Variants in CNTNAP2 observed in about 807,000 individuals in gnomAD.
CNTNAP2 encodes contactin associated protein 2.
In CNTNAP2, 98 loss-of-function variants were observed where a neutral mutation model predicts 155.2. The ratio of observed to expected loss-of-function variants is 0.63; its 90% CI spans 0.54 to 0.75. The LOEUF (loss-of-function observed/expected upper bound fraction) is 0.75. CNTNAP2 is among the 30% of genes least tolerant of loss of function. CNTNAP2 has a pLI of 0.00. For missense variants in CNTNAP2, 1,727 were observed against 1,688.1 expected, an observed-to-expected ratio of 1.02 and a Z score of -0.40; for synonymous variants, 651 against 631.2, an observed-to-expected ratio of 1.03 and a Z score of -0.47.
chr7:146,135,182 T>C (rs189906621), intron 1 of CNTNAP2, among the ~76,000 whole-genome samples: 1 of 152,174 alleles, frequency 6.6e-6, no homozygotes, highest in African/African-American at 2.4e-5. Context: ...ATTTCCTACT[T>C]ATTTTAAAAT....
chr7:147,551,852 T>C lies in CNTNAP2; in HGVS notation c.1778-10286T>C, dbSNP rs1359285501. 3.3e-5 allele frequency among the ~76,000 whole-genome samples: 5 copies of C among 152,200 alleles called. No homozygotes were observed. The East Asian group carries it at 5.8e-4, about 18-fold the overall frequency. ...GACTGAAGAGCTCTGAAATCACCAA[T>C]AATGTCTTCATTACTACATCAATAC... On this transcript the variant is annotated intron_variant, in intron 11 of 23. Transcript: ENST00000361727.
chr7:147,326,077 C>T lies in CNTNAP2; in HGVS notation c.1498+25787C>T, dbSNP rs568996965. On this transcript the variant is annotated intron_variant, in intron 9 of 23. Coordinates refer to ENST00000361727, the MANE Select transcript of CNTNAP2 (RefSeq NM_014141.6). ...AGCTGGGACGACAAGCGCACGCCAC[C>T]ACACCCGGCTAATTGCTTTTGTATT... Among the ~76,000 whole-genome samples, 29 of 152,144 alleles carry T rather than the reference C, an allele frequency of 1.9e-4. 1 individual carries two copies. Among genetic ancestry groups the T allele is most frequent in the Admixed American group, 2.0e-4 (3 of 15,272 alleles).
chr7:146,691,424 C>T (rs1198530178), intron 1 of CNTNAP2, among the ~76,000 whole-genome samples: 5 of 152,066 alleles, frequency 3.3e-5, no homozygotes, highest in East Asian at 1.9e-4. Context: ...TTACATTAGT[C>T]TACAGTTGAG....
chr7:147,672,379 T>A (rs2116968090), intron 13 of CNTNAP2: 1 of 152,308 alleles, frequency 6.6e-6, no homozygotes, highest in African/African-American at 2.4e-5. Flanking sequence ...GATCCAATAT[T>A]AGAATATTAG....
intron 3 of CNTNAP2, among the ~76,000 whole-genome samples, chr7:146,875,279 T>C (rs1056841392): frequency 2.0e-5 from 3 of 152,158 alleles, no homozygotes; most frequent in Admixed American, 2.0e-4. Flanking sequence ...ATAATTCTCC[T>C]ATATGGAGGG....
intron 18 of CNTNAP2, among the ~76,000 whole-genome samples, chr7:148,206,766 C>G (rs1344839789): frequency 6.6e-6 from 1 of 152,334 alleles, no homozygotes; most frequent in Non-Finnish European, 1.5e-5. Flanking sequence ...GCCTGGAGGC[C>G]TGTTTCCCAA....
chr7:147,631,160 G>A (rs1328682697), intron 12 of CNTNAP2, among the ~76,000 whole-genome samples: 1 of 152,068 alleles, frequency 6.6e-6, no homozygotes, highest in African/African-American at 2.4e-5. Context: ...CAATTCAGTA[G>A]CACTGCTATA....
At chr7:146,642,924 G>T (rs1259438587) in intron 1 of CNTNAP2, among the ~76,000 whole-genome samples, 34 of 151,642 alleles carry the variant, frequency 2.2e-4, no homozygotes, top group Non-Finnish European at 4.1e-4. Flanking sequence ...GAAGAGCATT[G>T]TTTCATGTGT....
intron 3 of CNTNAP2, among the ~76,000 whole-genome samples, chr7:147,042,427 C>T (rs928219995): frequency 2.6e-5 from 4 of 152,126 alleles, no homozygotes; most frequent in East Asian, 3.9e-4. Flanking sequence ...TTTTGTATTT[C>T]GGAGCGCAGG....
chr7:146,721,062 CTATA>C lies in CNTNAP2; in HGVS notation c.98-53202_98-53199del, dbSNP rs1340213237. 3.7e-5 allele frequency among the ~76,000 whole-genome samples: 3 copies of C among 81,004 alleles called. No individual in the cohort carries two copies. The East Asian group carries it at 8.3e-4, about 22-fold the overall frequency. 53.1% of individuals were successfully genotyped at this position (81,004 alleles called of 152,430 possible). A position where few individuals can be genotyped will look rare whatever the true frequency, so the allele number is the denominator to read the frequency against. ...ATATTCTATATATATACTCTATATT[CTATA>C]TATATACTCTATATATATACTGTCT... On this transcript the variant is annotated intron_variant, in intron 1 of 23. Transcript: ENST00000361727.
At chr7:147,707,290 AGATGAATCTGTGGT>A (rs1796330414) in intron 13 of CNTNAP2, among the ~76,000 whole-genome samples, 1 of 152,210 alleles carries the variant, frequency 6.6e-6, no homozygotes, top group South Asian at 2.1e-4. Flanking sequence ...ACTCTGTTAA[AGATGAATCTGTGGT>A]TTAGGTTGGG....
At chr7:146,575,142 C>CT (rs1485554155) in intron 1 of CNTNAP2, among the ~76,000 whole-genome samples, 2 of 151,950 alleles carry the variant, frequency 1.3e-5, no homozygotes, top group Admixed American at 1.3e-4. Context: ...GTCAGAAGAA[C>CT]TTTTTTTTCT....
intron 9 of CNTNAP2, among the ~76,000 whole-genome samples, chr7:147,372,645 T>G (rs1309501356): frequency 6.6e-6 from 1 of 152,118 alleles, no homozygotes; most frequent in Non-Finnish European, 1.5e-5. Context: ...ACATCTAAGT[T>G]TGCTTTGAAT....
chr7:147,155,133 C>T (rs1270807121), intron 8 of CNTNAP2, among the ~76,000 whole-genome samples: 1 of 152,084 alleles, frequency 6.6e-6, no homozygotes, highest in Non-Finnish European at 1.5e-5. Flanking sequence ...GGAGATAAGA[C>T]TTTGCAAGGT....
chr7:146,316,696 A>G (rs943484170), intron 1 of CNTNAP2, among the ~76,000 whole-genome samples: 1 of 152,024 alleles, frequency 6.6e-6, no homozygotes, highest in Admixed American at 6.6e-5. Context: ...GATAAGCAGG[A>G]TGTTTTCTAT....
chr7:146,757,979 T>G (rs1802021502), intron 1 of CNTNAP2, among the ~76,000 whole-genome samples: 1 of 152,216 alleles, frequency 6.6e-6, no homozygotes, highest in Non-Finnish European at 1.5e-5. Flanking sequence ...ATTCATTCTC[T>G]GGGAATCTCC....
chr7:146,727,515 A>C (rs1466617478), intron 1 of CNTNAP2, among the ~76,000 whole-genome samples: 2 of 152,194 alleles, frequency 1.3e-5, no homozygotes, highest in African/African-American at 4.8e-5. Context: ...TCCTCACATA[A>C]GAAATTTAAC....
At chr7:147,109,683 G>A (rs1201269008) in intron 5 of CNTNAP2, among the ~76,000 whole-genome samples, 1 of 152,090 alleles carries the variant, frequency 6.6e-6, no homozygotes, top group East Asian at 1.9e-4. Context: ...ACAACATGGA[G>A]GTTACTGTTA....
intron 16 of CNTNAP2, among the ~76,000 whole-genome samples, chr7:148,137,520 G>A (rs1334032647): frequency 6.6e-6 from 1 of 152,164 alleles, no homozygotes; most frequent in Non-Finnish European, 1.5e-5. Flanking sequence ...GAATTAGCCA[G>A]ATGTGGTGGC....
Sources: gnomAD v4.1 joint callset for allele counts (sites outside exome capture counted in the v4.1 genomes callset) on GRCh38, gnomAD v4.1.1 for gene constraint, MANE v1.5 for transcripts, NCBI Gene and HGNC (gene_info 2026-07-23, HGNC 2026-07-21) for gene names.